Variants in CAMTA1 observed in about 807,000 individuals in gnomAD.
CAMTA1 encodes the protein calmodulin-binding transcription activator 1.
A neutral mutation model predicts 170.9 loss-of-function variants in CAMTA1; 27 were observed. The ratio of observed to expected loss-of-function variants is 0.16; its 90% CI spans 0.12 to 0.22. CAMTA1 has a LOEUF of 0.22. Ranked by LOEUF, CAMTA1 falls within the 10% of genes least tolerant of loss-of-function variation. The probability of loss-of-function intolerance (pLI) is 1.00; values close to 1 mark genes in which losing one functional copy is unlikely to be tolerated. For missense variants in CAMTA1, 1,619 were observed against 2,217.2 expected (o/e 0.73, Z 5.42); for synonymous variants, 833 against 891.5 (o/e 0.93, Z 1.17).
At chr1:7,457,381 C>T (rs1310327552) in intron 5 of CAMTA1, among the ~76,000 whole-genome samples, 4 of 152,026 alleles carry the variant, frequency 2.6e-5, no homozygotes, top group Non-Finnish European at 5.9e-5. Flanking sequence ...AGATGTTTCC[C>T]CTGCAGATAC....
intron 7 of CAMTA1, among the ~76,000 whole-genome samples, chr1:7,657,563 G>C (rs1045338885): frequency 1.3e-5 from 2 of 152,166 alleles, no homozygotes; most frequent in African/African-American, 4.8e-5. Context: ...GCTTTAAAAA[G>C]GGGAAGGGGC....
At chr1:7,030,006 T>C (rs373134165) in intron 3 of CAMTA1, among the ~76,000 whole-genome samples, 40 of 152,350 alleles carry the variant, frequency 2.6e-4, no homozygotes, top group African/African-American at 8.9e-4. Context: ...TTTTGGTATG[T>C]TGAAACAAAT....
chr1:6,843,071 G>A (rs781427135), intron 3 of CAMTA1, among the ~76,000 whole-genome samples: 1 of 152,204 alleles, frequency 6.6e-6, no homozygotes, highest in African/African-American at 2.4e-5. Context: ...AAACTCCTAA[G>A]CAGTATACGG....
At chr1:7,744,002 A>G (rs2096837972) in intron 16 of CAMTA1, among the ~76,000 whole-genome samples, 2 of 147,350 alleles carry the variant, frequency 1.4e-5, no homozygotes, top group East Asian at 2.0e-4. Context: ...AATTTTTTGT[A>G]TTTTTTAATA....
intron 1 of CAMTA1, among the ~76,000 whole-genome samples, chr1:6,809,520 G>T (rs1429173201): frequency 2.0e-5 from 3 of 152,080 alleles, no homozygotes; most frequent in South Asian, 4.1e-4. Context: ...CTTGGGGCAG[G>T]GAGAGAAGGG....
chr1:7,414,582 T>C (rs2091024170), intron 5 of CAMTA1, among the ~76,000 whole-genome samples: 3 of 152,226 alleles, frequency 2.0e-5, no homozygotes, highest in Admixed American at 6.5e-5. Context: ...GTATTTTGTA[T>C]TTCTGTGGGA....
chr1:7,057,155 T>C (rs1707467697), intron 3 of CAMTA1, among the ~76,000 whole-genome samples: 1 of 152,204 alleles, frequency 6.6e-6, no homozygotes, highest in Non-Finnish European at 1.5e-5. Flanking sequence ...GGCTCCTTTC[T>C]ATGTGTTTGC....
Position 7,681,921 on chromosome 1 carries a change from T to A in CAMTA1, c.2914+4188T>A, listed in dbSNP as rs1199729348. Among the ~76,000 whole-genome samples the A allele has an allele frequency of 6.6e-6, 1 of 152,178 alleles. No individual in the cohort carries two copies. Among genetic ancestry groups the A allele is most frequent in the Non-Finnish European group, 1.5e-5 (1 of 68,034 alleles). ...AAGGTGAGCGGAATTTTTGTGTGCC[T>A]CTTTCTTGTCTTACAGCATCTGATT... is the stretch of plus-strand genomic sequence containing the variant. On this transcript the variant is annotated intron_variant, in intron 11 of 22. Coordinates refer to ENST00000303635, the MANE Select transcript of CAMTA1 (RefSeq NM_015215.4). This position sits in a 1 kb window ranked among gnomAD's most constrained non-coding sequence, Gnocchi z 4.6.
intron 6 of CAMTA1, among the ~76,000 whole-genome samples, chr1:7,523,952 C>T (rs1265236406): frequency 6.6e-6 from 1 of 151,922 alleles, no homozygotes; most frequent in African/African-American, 2.4e-5. Context: ...CCTGTAATCC[C>T]AGCACTTTGG....
chr1:6,861,438 G>T (rs926697433), intron 3 of CAMTA1, among the ~76,000 whole-genome samples: 10 of 152,184 alleles, frequency 6.6e-5, no homozygotes, highest in African/African-American at 2.2e-4. Flanking sequence ...CTTCAGCCAT[G>T]ACTTCTCACA....
chr1:7,483,473 A>G (rs2093569639), intron 6 of CAMTA1, among the ~76,000 whole-genome samples: 1 of 152,162 alleles, frequency 6.6e-6, no homozygotes, highest in African/African-American at 2.4e-5. Flanking sequence ...AGAGACAAGG[A>G]ATGCAGCCCC....
At chr1:7,276,297 A>AT (rs1431072819) in intron 5 of CAMTA1, among the ~76,000 whole-genome samples, 1 of 21,556 alleles carries the variant, frequency 4.6e-5, no homozygotes, top group Non-Finnish European at 6.4e-5. Flanking sequence ...ATATATATAT[A>AT]TATATATTTT....
intron 4 of CAMTA1, among the ~76,000 whole-genome samples, chr1:7,108,811 A>G (rs1643853605): frequency 6.6e-6 from 1 of 152,220 alleles, no homozygotes; most frequent in African/African-American, 2.4e-5. Context: ...ACACTTATGT[A>G]TCATTTTGCC....
At chr1:7,272,484 AT>A (rs1180864213) in intron 5 of CAMTA1, among the ~76,000 whole-genome samples, 1 of 152,122 alleles carries the variant, frequency 6.6e-6, no homozygotes, top group Non-Finnish European at 1.5e-5. Flanking sequence ...AAAATTCTCA[AT>A]TTCAAAACTT....
At chr1:7,416,970 T>C (rs1221015857) in intron 5 of CAMTA1, among the ~76,000 whole-genome samples, 1 of 152,236 alleles carries the variant, frequency 6.6e-6, no homozygotes, top group African/African-American at 2.4e-5. Context: ...TTAGTTTTCC[T>C]TCTAACAGAC....
At chr1:7,586,376 A>C (rs1053501518) in intron 6 of CAMTA1, among the ~76,000 whole-genome samples, 1 of 152,170 alleles carries the variant, frequency 6.6e-6, no homozygotes, top group Admixed American at 6.5e-5. Flanking sequence ...TGCGCTCCCC[A>C]GAGGCCCGAG....
At chr1:7,287,564 C>G (rs1200756935) in intron 5 of CAMTA1, among the ~76,000 whole-genome samples, 1 of 152,176 alleles carries the variant, frequency 6.6e-6, no homozygotes, top group African/African-American at 2.4e-5. Context: ...TGGTAATAAA[C>G]AAGCCCTTTC....
At chr1:7,755,225 G>C (rs2096922886) in intron 21 of CAMTA1, among the ~76,000 whole-genome samples, 1 of 151,458 alleles carries the variant, frequency 6.6e-6, no homozygotes, top group Non-Finnish European at 1.5e-5. Context: ...TACTTGGGAG[G>C]CTGGGGCAGG....
chr1:6,991,511 A>T (rs977497899), intron 3 of CAMTA1, among the ~76,000 whole-genome samples: 6 of 152,142 alleles, frequency 3.9e-5, no homozygotes, highest in African/African-American at 1.2e-4. Context: ...AGTCATCCAT[A>T]TATCTCCCTT....
Sources: allele counts gnomAD v4.1 joint callset (sites outside exome capture counted in the v4.1 genomes callset), GRCh38; gene constraint gnomAD v4.1.1; non-coding constraint Gnocchi (gnomAD v3.1); transcripts MANE v1.5; gene names NCBI Gene and HGNC (gene_info 2026-07-23, HGNC 2026-07-21).